FBXO38: variants seen among roughly 807,000 people sequenced by gnomAD.
FBXO38 encodes the protein F-box only protein 38.
A neutral mutation model predicts 131.9 loss-of-function variants in FBXO38; 53 were observed. The observed-to-expected ratio is 0.40, with a 90% CI of 0.32 to 0.51. FBXO38 has a LOEUF of 0.51. Among genes scored for constraint, FBXO38 ranks in the 20% least tolerant of loss-of-function variants. FBXO38 has a pLI of 0.53. For synonymous variants in FBXO38, 452 were observed against 505.6 expected, an observed-to-expected ratio of 0.89 and a Z score of 1.42; for missense variants, 1,076 against 1,475.6, an observed-to-expected ratio of 0.73 and a Z score of 4.44.
In FBXO38 at chr5:148,427,552, C is replaced by T. The variant is rs763955625; in HGVS notation, c.2258C>T (p.Ser753Phe). ...EVDVSRQCACSPGGSEDSEAM... is the reference protein window; with the variant it reads ...EVDVSRQCACFPGGSEDSEAM... Reference sequence around the variant, plus strand: ...GATGTGTCCAGGCAGTGTGCCTGCTCCCCCGGTGGGTCAGAGGACTCTGAG... The same window carrying T: ...GATGTGTCCAGGCAGTGTGCCTGCTTCCCCGGTGGGTCAGAGGACTCTGAG... The change falls in exon 15 of 22, where the codon TCC (serine) becomes TTC (phenylalanine). Residue 753 changes from serine (S) to phenylalanine (F), a missense_variant. Transcript: ENST00000340253. 2 of 1,614,120 alleles carry T rather than the reference C, an allele frequency of 1.2e-6. No homozygotes were observed. Among genetic ancestry groups the T allele is most frequent in the East Asian group, 4.5e-5 (2 of 44,864 alleles).
chr5:148,406,699 A>C (rs953857334), intron 7 of FBXO38, among the ~76,000 whole-genome samples: 3 of 152,188 alleles, frequency 2.0e-5, no homozygotes, highest in African/African-American at 7.2e-5. Context: ...AAATGTTAAC[A>C]GGGATTTCTA....
chr5:148,438,767 T>A (rs544071570), intron 18 of FBXO38, among the ~76,000 whole-genome samples: 1 of 152,320 alleles, frequency 6.6e-6, no homozygotes, highest in East Asian at 1.9e-4. Flanking sequence ...TGTAGCAGAT[T>A]ATTTGACTTC....
intron 2 of FBXO38, among the ~76,000 whole-genome samples, chr5:148,395,481 TTTTTA>T (rs1758433476): frequency 6.6e-6 from 1 of 152,094 alleles, no homozygotes; most frequent in Admixed American, 6.6e-5. Flanking sequence ...TGTTTTTTTT[TTTTTA>T]AAGGGAAAGC....
chr5:148,397,514 T>C (rs1046278812), intron 2 of FBXO38: 5 of 152,228 alleles, frequency 3.3e-5, no homozygotes, highest in Admixed American at 1.3e-4. Flanking sequence ...TGTGTTGTCA[T>C]GTTTCTGAAA....
At chr5:148,406,612 A>T (rs1329364212) in intron 7 of FBXO38, among the ~76,000 whole-genome samples, 1 of 152,188 alleles carries the variant, frequency 6.6e-6, no homozygotes, top group African/African-American at 2.4e-5. Flanking sequence ...CAGTAGAGTG[A>T]TAAGACATGT....
intron 1 of FBXO38, chr5:148,390,100 T>C (rs1561509831): frequency 6.6e-6 from 1 of 152,030 alleles, no homozygotes. Context: ...CAAGTGTTCT[T>C]TCTCATATAG....
intron 1 of FBXO38, 69 bp downstream of exon 1, chr5:148,384,108 G>A (rs1757781906): frequency 1.3e-5 from 2 of 153,056 alleles, no homozygotes; most frequent in Admixed American, 6.5e-5. Flanking sequence ...CGTGCGGCAG[G>A]GCTGAGGTAG....
Position 148,394,960 on chromosome 5 carries a change from G to A in FBXO38, c.128+56G>A, listed in dbSNP as rs867901730. The A allele has an allele frequency of 4.1e-6, 6 of 1,455,216 alleles. 1 individual carries two copies. The Middle Eastern group carries it at 1.1e-3, about 266-fold the overall frequency. 90.1% of individuals were successfully genotyped at this position (1,455,216 alleles called of 1,614,324 possible). A position where few individuals can be genotyped will look rare whatever the true frequency, so the allele number is the denominator to read the frequency against. On this transcript the variant is annotated intron_variant, in intron 2 of 21. Transcript: ENST00000340253. Reference sequence around the variant, plus strand: ...TGGAATGGATAAGAGCAAACCCTGAGGCAGTGCTGTCTAATGTGGTAGCTA... The same window carrying A: ...TGGAATGGATAAGAGCAAACCCTGAAGCAGTGCTGTCTAATGTGGTAGCTA...
chr5:148,410,380 CTGCTGCCATCAGGCAAAAATGTGACT>C (rs1441415840), intron 8 of FBXO38: 11 of 474,238 alleles, frequency 2.3e-5, no homozygotes, highest in Admixed American at 2.1e-4. Context: ...CTTTTTTTGC[CTGCTGCCATCAGGCAAAAATGTGACT>C]TGCTGCCATC....
rs948131876 is a variant in FBXO38, at chr5:148,419,846, C to T, written c.1618+2642C>T. ...GCTGTATTGTATTTAACTTCTTCAG[C>T]TTGCATGAGGTAATTTACTGTAAAA... On this transcript the variant is annotated intron_variant, in intron 12 of 21. Coordinates refer to ENST00000340253, the MANE Select transcript of FBXO38 (RefSeq NM_205836.3). Among the ~76,000 whole-genome samples, 23 of 152,126 alleles carry T rather than the reference C, an allele frequency of 1.5e-4. 1 individual carries two copies. The South Asian group carries it at 4.6e-3, about 30-fold the overall frequency.
chr5:148,425,011 G>A (rs535720734), intron 13 of FBXO38, among the ~76,000 whole-genome samples: 10 of 152,232 alleles, frequency 6.6e-5, no homozygotes, highest in Non-Finnish European at 1.2e-4. Context: ...TGTAACATGC[G>A]TCTAGCCTTC....
chr5:148,431,500 C>G (rs1274946099), intron 15 of FBXO38, among the ~76,000 whole-genome samples: 1 of 152,100 alleles, frequency 6.6e-6, no homozygotes, highest in African/African-American at 2.4e-5. Flanking sequence ...GAGAGCAATC[C>G]AGGAAGGTGA....
At chr5:148,391,371 A>G (rs142773159) in intron 1 of FBXO38, among the ~76,000 whole-genome samples, 149 of 152,336 alleles carry the variant, frequency 9.8e-4, no homozygotes, top group Non-Finnish European at 1.6e-3. Context: ...ATAAATCACT[A>G]CACAAACTGC....
intron 1 of FBXO38, among the ~76,000 whole-genome samples, chr5:148,389,097 G>A (rs534319620): frequency 1.3e-5 from 2 of 152,304 alleles, no homozygotes. Context: ...AGGAAGAACA[G>A]CTAGCCAGTG....
At chr5:148,422,256 T>C (rs1753484591) in intron 12 of FBXO38, among the ~76,000 whole-genome samples, 4 of 152,206 alleles carry the variant, frequency 2.6e-5, no homozygotes, top group Non-Finnish European at 5.9e-5. Context: ...CTGTACGATC[T>C]GGCCTGCCCT....
At chr5:148,415,858 G>A in intron 10 of FBXO38, 70 bp from the exon 11 acceptor site, 5 of 1,511,786 alleles carry the variant, frequency 3.3e-6, no homozygotes, top group Non-Finnish European at 4.6e-6. Context: ...TTTGTGACCT[G>A]TATCAAAATT....
intron 3 of FBXO38, among the ~76,000 whole-genome samples, chr5:148,401,362 T>G (rs1752139483): frequency 6.6e-6 from 1 of 152,184 alleles, no homozygotes; most frequent in Non-Finnish European, 1.5e-5. Context: ...ACCCTGAGAT[T>G]GGATCACTCT....
chr5:148,407,715 C>T (rs1053232841), intron 7 of FBXO38, among the ~76,000 whole-genome samples: 4 of 151,792 alleles, frequency 2.6e-5, no homozygotes, highest in African/African-American at 4.8e-5. Flanking sequence ...ATGAGGTCAG[C>T]AGATCGAGAC....
intron 12 of FBXO38, 127 bp from the exon 13 acceptor site, chr5:148,423,871 C>A: frequency 1.4e-6 from 1 of 721,708 alleles, no homozygotes; most frequent in Non-Finnish European, 2.3e-6. Context: ...GCAGTATATG[C>A]TGTTCTTTCA....
Sources: allele counts gnomAD v4.1 joint callset (sites outside exome capture counted in the v4.1 genomes callset), GRCh38; gene constraint gnomAD v4.1.1; transcripts MANE v1.5; gene names NCBI Gene and HGNC (gene_info 2026-07-23, HGNC 2026-07-21).